The following CLEC4A variants were observed in gnomAD, a reference collection of about 807,000 sequenced individuals.
CLEC4A encodes C-type (calcium dependent, carbohydrate-recognition domain) lectin, superfamily member 6.
CLEC4A carries 27 observed loss-of-function variants against 32.7 expected under a neutral mutation model. The observed-to-expected ratio is 0.83, with a 90% CI of 0.61 to 1.14. The LOEUF (loss-of-function observed/expected upper bound fraction) is 1.14, where lower values mean the gene tolerates loss of function less well. CLEC4A is among the 50% of genes most tolerant of loss of function. The probability of loss-of-function intolerance (pLI) is 0.00; values close to 1 mark genes in which losing one functional copy is unlikely to be tolerated. For synonymous variants in CLEC4A, 89 were observed against 93.7 expected (o/e 0.95, Z 0.29); for missense variants, 253 against 274.6 (o/e 0.92, Z 0.55).
chr12:8,137,161 AC>A (rs1565407450), intron 5 of CLEC4A, among the ~76,000 whole-genome samples: 1 of 152,222 alleles, frequency 6.6e-6, no homozygotes, highest in Non-Finnish European at 1.5e-5. Context: ...AGTGGTGTCA[AC>A]AATTGTTCTC....
chr12:8,120,620 A>G (rs1947823731), upstream of CLEC4A, among the ~76,000 whole-genome samples: 1 of 152,170 alleles, frequency 6.6e-6, no homozygotes, highest in Non-Finnish European at 1.5e-5. Context: ...TGCAATCAAT[A>G]CTAGTAAAGC....
At chr12:8,105,211 C>A in the CLEC4A span, among the ~76,000 whole-genome samples, 1 of 152,134 alleles carries the variant, frequency 6.6e-6, no homozygotes, top group Non-Finnish European at 1.5e-5. Flanking sequence ...TATAAGTGTT[C>A]CCTTTTTCCT....
chr12:8,135,547 A>T lies in CLEC4A; in HGVS notation c.299-38A>T, dbSNP rs764087841. 1.1e-4 allele frequency: 170 copies of T among 1,605,774 alleles called. 2 individuals carry two copies. In the South Asian group the frequency reaches 1.7e-3, roughly 16 times the overall value. ...AATACACACACTTTTAAGAGTGATT[A>T]TTTATATTGCACGTATGTGCCCCTC... On this transcript the variant is annotated intron_variant, in intron 3 of 5. Transcript: ENST00000229332.
intron 5 of CLEC4A, among the ~76,000 whole-genome samples, chr12:8,137,761 C>T (rs1321286532): frequency 1.3e-5 from 2 of 151,838 alleles, no homozygotes; most frequent in East Asian, 3.9e-4. Context: ...AAAAACAGTG[C>T]ATTAAAAAAA....
chr12:8,129,860 G>A (rs1323909770), intron 3 of CLEC4A, among the ~76,000 whole-genome samples: 1 of 152,138 alleles, frequency 6.6e-6, no homozygotes, highest in African/African-American at 2.4e-5. Context: ...TTTTGAGACA[G>A]GGTCTCACTT....
At chr12:8,129,389 G>A (rs369029594) in intron 3 of CLEC4A, 27 bp downstream of exon 3, 1 of 1,365,718 alleles carries the variant, frequency 7.3e-7, no homozygotes, top group Non-Finnish European at 1.0e-6. Context: ...CTAGAATTCA[G>A]TTGCTGAATG....
At chr12:8,132,536 T>A (rs1238116446) in intron 3 of CLEC4A, among the ~76,000 whole-genome samples, 1 of 152,230 alleles carries the variant, frequency 6.6e-6, no homozygotes, top group African/African-American at 2.4e-5. Flanking sequence ...TTTAAATTAG[T>A]CGATGTTATT....
the CLEC4A span, among the ~76,000 whole-genome samples, chr12:8,109,795 G>T: frequency 6.6e-6 from 1 of 152,154 alleles, no homozygotes; most frequent in Non-Finnish European, 1.5e-5. Flanking sequence ...TTTGTTGCTG[G>T]TACTAGTACT....
chr12:8,127,446 C>T (rs1324599199), intron 2 of CLEC4A, among the ~76,000 whole-genome samples: 5 of 152,172 alleles, frequency 3.3e-5, no homozygotes, highest in Non-Finnish European at 5.9e-5. Flanking sequence ...GAAGAAGCTG[C>T]AAAATCACAT....
intron 3 of CLEC4A, chr12:8,134,065 G>A: frequency 3.1e-6 from 5 of 1,590,476 alleles, no homozygotes; most frequent in Non-Finnish European, 4.3e-6. Context: ...GCTGCTGGGC[G>A]ATGTGGCTGA....
chr12:8,103,577 G>T, the CLEC4A span, among the ~76,000 whole-genome samples: 4 of 151,844 alleles, frequency 2.6e-5, no homozygotes, highest in East Asian at 7.8e-4. Context: ...AGTAGAGACA[G>T]GGTTTCACCA....
At position 8,131,623 on chromosome 12, in the gene CLEC4A, T is replaced by A. The variant is rs538555492; in HGVS notation, c.298+2261T>A. ...TAAATGTAAATCTCATCCAAAAGCATTTTCACAGAAACATCCAGAATGTTT... is the reference window on the plus strand; with the variant it reads ...TAAATGTAAATCTCATCCAAAAGCAATTTCACAGAAACATCCAGAATGTTT... On this transcript the variant is annotated intron_variant, in intron 3 of 5. Coordinates refer to ENST00000229332, the MANE Select transcript of CLEC4A (RefSeq NM_016184.4). Among the ~76,000 whole-genome samples the A allele has an allele frequency of 1.1e-4, 16 of 152,262 alleles. No homozygotes were observed. The South Asian group carries it at 2.9e-3, about 28-fold the overall frequency.
At chr12:8,105,945 T>G in the CLEC4A span, among the ~76,000 whole-genome samples, 6 of 152,158 alleles carry the variant, frequency 3.9e-5, no homozygotes, top group Non-Finnish European at 7.4e-5. Flanking sequence ...TGGCATATTC[T>G]TTATGAAATC....
upstream of CLEC4A, among the ~76,000 whole-genome samples, chr12:8,121,951 G>A (rs1365462473): frequency 6.6e-6 from 1 of 151,768 alleles, no homozygotes; most frequent in Non-Finnish European, 1.5e-5. Context: ...GCCCAGTTGG[G>A]GTTGGGACTC....
chr12:8,122,809 C>T (rs1426106998), upstream of CLEC4A, among the ~76,000 whole-genome samples: 7 of 151,522 alleles, frequency 4.6e-5, no homozygotes, highest in African/African-American at 9.7e-5. Context: ...GAAATATAGA[C>T]GTGTGTGTTT....
At chr12:8,103,708 C>A in the CLEC4A span, among the ~76,000 whole-genome samples, 3 of 152,200 alleles carry the variant, frequency 2.0e-5, no homozygotes, top group African/African-American at 4.8e-5. Flanking sequence ...TCATATGCCA[C>A]AAGTATTGAG....
At chr12:8,125,437 T>C in intron 1 of CLEC4A, 124 bp from the exon 2 acceptor site, 1 of 623,054 alleles carries the variant, frequency 1.6e-6, no homozygotes, top group East Asian at 2.7e-5. Flanking sequence ...TCTCATGTGA[T>C]TTCAAATGTC....
rs778042131 is a variant in CLEC4A at position 8,128,967 on chromosome 12, C to A, written c.200-297C>A. On this transcript the variant is annotated intron_variant, in intron 2 of 5. Transcript: ENST00000229332. ...ATCCTTAAATACAAGTGTTTATTGC[C>A]CTGCATCCCCCCACCCCCAAGAGTT... Among the ~76,000 whole-genome samples, 5 of 152,052 alleles carry A rather than the reference C, an allele frequency of 3.3e-5. No homozygotes were observed. The South Asian group carries it at 8.3e-4, about 25-fold the overall frequency.
the CLEC4A span, among the ~76,000 whole-genome samples, chr12:8,103,373 G>GGTTTT: frequency 3.7e-4 from 29 of 78,024 alleles, no homozygotes; most frequent in Middle Eastern, 8.5e-3. Context: ...GTTTCTTTCT[G>GGTTTT]TTGTTTTTTT....
Sources: gnomAD v4.1 joint callset for allele counts (sites outside exome capture counted in the v4.1 genomes callset) on GRCh38, gnomAD v4.1.1 for gene constraint, MANE v1.5 for transcripts, NCBI Gene and HGNC (gene_info 2026-07-23, HGNC 2026-07-21) for gene names.